TRAPPC9: variants seen among roughly 807,000 people sequenced by gnomAD.
The protein encoded by TRAPPC9 is trafficking protein particle complex subunit 9.
TRAPPC9 carries 83 observed loss-of-function variants against 124.0 expected under a neutral mutation model. The observed-to-expected ratio is 0.67, with a 90% CI of 0.56 to 0.80. The LOEUF is 0.80. Ranked by LOEUF, TRAPPC9 falls within the 30% of genes least tolerant of loss-of-function variation. TRAPPC9 has a pLI of 0.00. For missense variants in TRAPPC9, 1,302 were observed against 1,508.3 expected, an observed-to-expected ratio of 0.86 and a Z score of 2.27; for synonymous variants, 638 against 617.5, an observed-to-expected ratio of 1.03 and a Z score of -0.49.
chr8:140,088,609 T>C (rs1178293368), intron 17 of TRAPPC9, among the ~76,000 whole-genome samples: 1 of 152,200 alleles, frequency 6.6e-6, no homozygotes, highest in Non-Finnish European at 1.5e-5. Context: ...TTCCCTTATT[T>C]TTCCTAACAA....
rs759798919 is a variant in TRAPPC9 at position 139,910,117 on chromosome 8, CA to C, written c.2964+29del. On this transcript the variant is annotated intron_variant, in intron 20 of 22. Transcript: ENST00000438773. ...TTGGAACCCTGGGCAAAGGTGCCCC[CA>C]GGCCCAGGTGGCCCCTGGAAAAGGA... The C allele has an allele frequency of 3.1e-6, 5 of 1,613,782 alleles. No individual in the cohort carries two copies. In the East Asian group the frequency reaches 1.1e-4, roughly 36 times the overall value.
intron 17 of TRAPPC9, among the ~76,000 whole-genome samples, chr8:140,033,628 A>G (rs1331453766): frequency 7.0e-6 from 1 of 141,872 alleles, no homozygotes; most frequent in African/African-American, 2.6e-5. Context: ...AAGTTGTCAA[A>G]TGCATTGAAA....
intron 17 of TRAPPC9, among the ~76,000 whole-genome samples, chr8:140,025,307 G>A (rs773020981): frequency 5.1e-4 from 78 of 152,282 alleles, no homozygotes; most frequent in African/African-American, 1.9e-3. Flanking sequence ...TCTGACCACC[G>A]CCTGTTTTTG....
chr8:140,188,903 C>T (rs2062413463), intron 17 of TRAPPC9, among the ~76,000 whole-genome samples: 1 of 152,194 alleles, frequency 6.6e-6, no homozygotes, highest in Admixed American at 6.5e-5. Context: ...AGCACACATC[C>T]ACCTGAATGG....
intron 17 of TRAPPC9, among the ~76,000 whole-genome samples, chr8:140,156,955 C>A (rs2061643842): frequency 7.1e-6 from 1 of 141,588 alleles, no homozygotes; most frequent in African/African-American, 2.8e-5. Context: ...CATTCAAAAG[C>A]CTCCCTTTTC....
chr8:140,081,857 C>T (rs1843841824), intron 17 of TRAPPC9: 1 of 152,322 alleles, frequency 6.6e-6, no homozygotes, highest in Admixed American at 6.5e-5. Context: ...ATATCTCTGT[C>T]CTCAGCATTG....
chr8:140,319,265 T>G (rs1376006227), intron 9 of TRAPPC9, among the ~76,000 whole-genome samples: 1 of 131,226 alleles, frequency 7.6e-6, no homozygotes, highest in Admixed American at 9.0e-5. Flanking sequence ...AAGCTCCGCC[T>G]CCCGGGTTCA....
chr8:140,316,331 CT>C (rs2066442703), intron 9 of TRAPPC9, among the ~76,000 whole-genome samples: 1 of 152,132 alleles, frequency 6.6e-6, no homozygotes, highest in Non-Finnish European at 1.5e-5. Flanking sequence ...CTATTAACAG[CT>C]TTTAATGATT....
intron 19 of TRAPPC9, among the ~76,000 whole-genome samples, chr8:139,941,412 C>A (rs1833913070): frequency 6.6e-6 from 1 of 152,202 alleles, no homozygotes; most frequent in Non-Finnish European, 1.5e-5. Context: ...GGGTGGGGCC[C>A]TCTTACTGTA....
chr8:140,416,492 C>T (rs1013732846), intron 5 of TRAPPC9, among the ~76,000 whole-genome samples: 1 of 152,056 alleles, frequency 6.6e-6, no homozygotes, highest in Non-Finnish European at 1.5e-5. Context: ...AATAAAATAC[C>T]TAGGAATACA....
At chr8:140,332,686 T>C (rs560092136) in intron 9 of TRAPPC9, among the ~76,000 whole-genome samples, 2 of 152,238 alleles carry the variant, frequency 1.3e-5, no homozygotes, top group South Asian at 4.1e-4. Flanking sequence ...CATCTAACTA[T>C]GAAGCAATGG....
chr8:139,829,678 G>A (rs979464759), intron 21 of TRAPPC9, among the ~76,000 whole-genome samples: 1 of 152,220 alleles, frequency 6.6e-6, no homozygotes, highest in Non-Finnish European at 1.5e-5. Flanking sequence ...CACAGTTTGC[G>A]GGGCTATGAT....
chr8:140,340,228 C>T (rs112508174), intron 9 of TRAPPC9, among the ~76,000 whole-genome samples: 1 of 152,218 alleles, frequency 6.6e-6, no homozygotes, highest in Non-Finnish European at 1.5e-5. Context: ...AAGGCTCCCC[C>T]ATCTGTTCCC....
At chr8:139,996,083 C>A (rs1290235369) in intron 18 of TRAPPC9, among the ~76,000 whole-genome samples, 4 of 130,668 alleles carry the variant, frequency 3.1e-5, no homozygotes, top group African/African-American at 1.1e-4. Flanking sequence ...CAAGAACTGA[C>A]CATACTTGAA....
At chr8:140,418,723 A>AAGAAAGAT (rs1301862335) in intron 5 of TRAPPC9, among the ~76,000 whole-genome samples, 1 of 141,214 alleles carries the variant, frequency 7.1e-6, no homozygotes, top group African/African-American at 2.6e-5. Flanking sequence ...CCATCTCAAA[A>AAGAAAGAT]AGATAGATAG....
chr8:140,012,692 G>A (rs868136034), intron 18 of TRAPPC9, among the ~76,000 whole-genome samples: 6 of 152,254 alleles, frequency 3.9e-5, no homozygotes, highest in African/African-American at 7.2e-5. Context: ...ATGCAGCCAC[G>A]AACAACACCA....
chr8:139,870,727 C>T (rs1479188774), intron 21 of TRAPPC9, among the ~76,000 whole-genome samples: 2 of 152,210 alleles, frequency 1.3e-5, no homozygotes, highest in Admixed American at 1.3e-4. Flanking sequence ...GCAGACACAA[C>T]CAGAAATGGG....
chr8:140,341,792 G>A (rs1332980479), intron 9 of TRAPPC9, among the ~76,000 whole-genome samples: 1 of 152,212 alleles, frequency 6.6e-6, no homozygotes, highest in African/African-American at 2.4e-5. Flanking sequence ...GCTCCATTCT[G>A]GGTAGTGAAA....
chr8:140,069,207 A>T (rs937839183), intron 17 of TRAPPC9, among the ~76,000 whole-genome samples: 1 of 152,180 alleles, frequency 6.6e-6, no homozygotes, highest in South Asian at 2.1e-4. Context: ...TATTCAATTG[A>T]ATGTTGCTAT....
Sources: gnomAD v4.1 joint callset for allele counts (sites outside exome capture counted in the v4.1 genomes callset) on GRCh38, gnomAD v4.1.1 for gene constraint, MANE v1.5 for transcripts, NCBI Gene and HGNC (gene_info 2026-07-23, HGNC 2026-07-21) for gene names.